NPY5R: variants seen among roughly 807,000 people sequenced by gnomAD.
The protein encoded by NPY5R is neuropeptide Y receptor type 5.
Under a neutral mutation model 24.8 loss-of-function variants are expected in NPY5R, and 21 were observed. The observed-to-expected ratio is 0.85, with a 90% CI of 0.60 to 1.22. The LOEUF (loss-of-function observed/expected upper bound fraction) is 1.22, where lower values mean the gene tolerates loss of function less well. Ranked by LOEUF, NPY5R falls within the 50% of genes most tolerant of loss-of-function variation. NPY5R has a pLI of 0.00. For missense variants in NPY5R, 481 were observed against 521.3 expected (o/e 0.92, Z 0.75); for synonymous variants, 175 against 183.0 (o/e 0.96, Z 0.35).
chr4:163,344,638 A>AGATGCGAG (rs1177493407), intron 1 of NPY5R: 1 of 152,242 alleles, frequency 6.6e-6, no homozygotes, highest in Non-Finnish European at 1.5e-5. Context: ...TTCATATAAC[A>AGATGCGAG]AATGCGAGCA....
intron 1 of NPY5R, chr4:163,345,127 AATG>A (rs1195279515): frequency 6.6e-6 from 1 of 152,248 alleles, no homozygotes; most frequent in Non-Finnish European, 1.5e-5. Context: ...TTGTGAAAAG[AATG>A]ATGTGTATTT....
chr4:163,349,316 A>G lies in NPY5R; in HGVS notation c.-9-949A>G, dbSNP rs938219146. ...CCTGCAGTGATGAAGTTACTCTGCC[A>G]TGTATTGGGATGGATTCCAAAGTGA... On this transcript the variant is annotated intron_variant, in intron 3 of 3. Transcript: ENST00000338566. 6.1e-6 allele frequency: 6 copies of G among 977,558 alleles called. No individual in the cohort carries two copies. The Admixed American group carries it at 3.7e-4, about 60-fold the overall frequency. The allele number at this position is 977,558 out of a possible 1,614,324, so 60.6% of individuals were successfully genotyped here.
intron 3 of NPY5R, among the ~76,000 whole-genome samples, chr4:163,349,976 C>T (rs1010102827): frequency 3.3e-5 from 5 of 151,702 alleles, no homozygotes; most frequent in East Asian, 2.0e-4. Context: ...CAGTGGCGGG[C>T]GCCTGTAGTC....
Position 163,350,754 on chromosome 4 carries a change from G to A in NPY5R, c.481G>A (p.Ala161Thr), listed in dbSNP as rs1328210005. Residue 161 changes from alanine (A) to threonine (T), a missense_variant, in exon 4 of 4, where the codon GCT (alanine) becomes ACT (threonine). Transcript: ENST00000338566. ...LTANHGYFLI[A>T]TVWTLGFAIC... ...AGCAAACCATGGCTACTTTCTGATA[G>A]CTACTGTCTGGACACTAGGTTTTGC... The A allele has an allele frequency of 1.2e-6, 2 of 1,614,050 alleles. No homozygotes were observed. The highest frequency in any genetic ancestry group is 1.3e-5 in the African/African-American group (1 of 74,914).
chr4:163,349,067 T>C (rs2110866997), intron 3 of NPY5R, among the ~76,000 whole-genome samples: 1 of 152,224 alleles, frequency 6.6e-6, no homozygotes, highest in Middle Eastern at 3.4e-3. Context: ...CTCAAACCAT[T>C]GAGGATTGGT....
At chr4:163,350,242 A>G in intron 3 of NPY5R, 23 bp from the exon 4 acceptor site, 3 of 1,508,526 alleles carry the variant, frequency 2.0e-6, no homozygotes, top group Non-Finnish European at 2.7e-6. Context: ...GGTTGCTGAC[A>G]AATGTCTTTT....
chr4:163,351,001 C>G lies in NPY5R; in HGVS notation c.728C>G (p.Ser243Cys). The G allele has an allele frequency of 6.2e-7, 1 of 1,613,968 alleles. No individual in the cohort carries two copies. The highest frequency in any genetic ancestry group is 8.5e-7 in the Non-Finnish European group (1 of 1,179,998). Residue 243 changes from serine to cysteine, a missense_variant, in exon 4 of 4, where the codon TCC becomes TGC. Coordinates refer to ENST00000338566, the MANE Select transcript of NPY5R (RefSeq NM_006174.4). ...SVCRSISCGL[S>C]NKENRLEENE... ...TGCAGAAGTATAAGCTGTGGATTGT[C>G]CAACAAAGAAAACAGACTTGAAGAA... is the stretch of plus-strand genomic sequence containing the variant.
At chr4:163,350,153 A>G in intron 3 of NPY5R, 112 bp from the exon 4 acceptor site, 1 of 625,514 alleles carries the variant, frequency 1.6e-6, no homozygotes, top group Non-Finnish European at 2.6e-6. Context: ...TAGGAGATTA[A>G]TAAGGTCACG....
In NPY5R at chr4:163,350,258, C is replaced by T; in HGVS notation, c.-9-7C>T. On this transcript the variant is annotated splice_polypyrimidine_tract_variant and splice_region_variant and intron_variant, in intron 3 of 3. Coordinates refer to ENST00000338566, the MANE Select transcript of NPY5R (RefSeq NM_006174.4). Reference sequence around the variant, plus strand: ...GTTGCTGACAAATGTCTTTTTATTCCAAGCAGGACTATAATATGGATTTAG... The same window carrying T: ...GTTGCTGACAAATGTCTTTTTATTCTAAGCAGGACTATAATATGGATTTAG... 7 of 1,504,610 alleles carry T rather than the reference C, an allele frequency of 4.7e-6. No individual in the cohort carries two copies. Among genetic ancestry groups the T allele is most frequent in the Admixed American group, 2.3e-5 (1 of 44,258 alleles). The allele number at this position is 1,504,610 out of a possible 1,614,324, so 93.2% of individuals were successfully genotyped here.
rs1424004129 is a variant in NPY5R, at chr4:163,351,313, T to C, written c.1040T>C (p.Val347Ala). The part of the protein sequence containing the change: ...FEIKPEENSD[V>A]HELRVKRSVT... ...ATAAAACCTGAAGAAAATTCAGATG[T>C]TCATGAATTGAGAGTAAAACGTTCT... The change falls in exon 4 of 4, where the codon GTT becomes GCT. Residue 347 changes from valine to alanine, a missense_variant. Coordinates refer to ENST00000338566, the MANE Select transcript of NPY5R (RefSeq NM_006174.4). 1.2e-6 allele frequency: 2 copies of C among 1,613,004 alleles called. No individual in the cohort carries two copies. The highest frequency in any genetic ancestry group is 1.7e-6 in the Non-Finnish European group (2 of 1,179,114).
rs555770125 is a variant in NPY5R, at chr4:163,344,191, A to C, written c.-121+191A>C. 3.9e-5 allele frequency: 6 copies of C among 152,916 alleles called. No individual in the cohort carries two copies. In the South Asian group the frequency reaches 1.2e-3, roughly 32 times the overall value. 9.5% of individuals were successfully genotyped at this position (152,916 alleles called of 1,614,324 possible). ...GGGAAGGTGAAGGGAGCGCGGCTGG[A>C]AAAATGGGGATTAGGGTGGCGGAAC... On this transcript the variant is annotated intron_variant, in intron 1 of 3. Transcript: ENST00000338566.
intron 3 of NPY5R, among the ~76,000 whole-genome samples, chr4:163,348,540 G>A (rs1232441361): frequency 1.3e-5 from 2 of 151,928 alleles, no homozygotes; most frequent in Non-Finnish European, 2.9e-5. Context: ...AGCTGCTTGG[G>A]AGGCTGAGAT....
At chr4:163,349,178 G>T (rs922722402) in intron 3 of NPY5R, 3 of 162,600 alleles carry the variant, frequency 1.8e-5, no homozygotes, top group Non-Finnish European at 3.9e-5. Context: ...TGGGTCATGA[G>T]ATAGTGATCC....
chr4:163,346,959 T>C (rs1397913109), intron 2 of NPY5R, among the ~76,000 whole-genome samples: 1 of 152,104 alleles, frequency 6.6e-6, no homozygotes, highest in Admixed American at 6.5e-5. Context: ...ATTTGAAACA[T>C]CTATAATTTC....
chr4:163,350,476 A>G lies in NPY5R; in HGVS notation c.203A>G (p.Lys68Arg). ...GNLLILMALMKKRNQKTTVNF... is the reference protein window; with the variant it reads ...GNLLILMALMRKRNQKTTVNF... ...CTACTTATTTTAATGGCTCTCATGAAAAAGCGTAATCAGAAGACTACGGTA... is the reference window on the plus strand; with the variant it reads ...CTACTTATTTTAATGGCTCTCATGAGAAAGCGTAATCAGAAGACTACGGTA... The change falls in exon 4 of 4, where the codon AAA becomes AGA. Residue 68 changes from lysine to arginine, a missense_variant. Physicochemically the swap from Lys to Arg is conservative, Grantham distance 26. Coordinates refer to ENST00000338566, the MANE Select transcript of NPY5R (RefSeq NM_006174.4). 1 of 1,614,112 alleles carries G rather than the reference A, an allele frequency of 6.2e-7. No individual in the cohort carries two copies. Among genetic ancestry groups the G allele is most frequent in the Non-Finnish European group, 8.5e-7 (1 of 1,179,984 alleles).
chr4:163,349,922 GTGAA>G (rs1735406844), intron 3 of NPY5R, among the ~76,000 whole-genome samples: 2 of 151,966 alleles, frequency 1.3e-5, no homozygotes, highest in South Asian at 4.1e-4. Flanking sequence ...CGAGACCACG[GTGAA>G]ACCCGGTCTC....
In NPY5R at chr4:163,343,998, G is replaced by A. The variant is rs1735091895; in HGVS notation, c.-123G>A. The A allele has an allele frequency of 6.6e-6, 1 of 152,400 alleles. No individual in the cohort carries two copies. Among genetic ancestry groups the A allele is most frequent in the African/African-American group, 2.4e-5 (1 of 41,424 alleles). 9.4% of individuals were successfully genotyped at this position (152,400 alleles called of 1,614,324 possible). A position where few individuals can be genotyped will look rare whatever the true frequency, so the allele number is the denominator to read the frequency against. ...GGGCCTGCAGCGGCCGGGGCGCCCCGAGGTACGGGCTCCCGCCCCTCCCTG... is the reference window on the plus strand; with the variant it reads ...GGGCCTGCAGCGGCCGGGGCGCCCCAAGGTACGGGCTCCCGCCCCTCCCTG... On this transcript the variant is annotated splice_region_variant and 5_prime_UTR_variant, in exon 1 of 4. Coordinates refer to ENST00000338566, the MANE Select transcript of NPY5R (RefSeq NM_006174.4).
chr4:163,352,338 T>G (rs531453608), downstream of NPY5R, among the ~76,000 whole-genome samples: 1 of 152,332 alleles, frequency 6.6e-6, no homozygotes, highest in South Asian at 2.1e-4. Flanking sequence ...ATACATCTTT[T>G]CTATTCTAAA....
chr4:163,348,291 T>G (rs1332780068), intron 3 of NPY5R, among the ~76,000 whole-genome samples: 3 of 152,186 alleles, frequency 2.0e-5, no homozygotes, highest in Admixed American at 6.5e-5. Flanking sequence ...ATTTCTTTGT[T>G]GGTTTGTGTT....
Sources: gnomAD v4.1 joint callset for allele counts (sites outside exome capture counted in the v4.1 genomes callset) on GRCh38, gnomAD v4.1.1 for gene constraint, MANE v1.5 for transcripts, NCBI Gene and HGNC (gene_info 2026-07-23, HGNC 2026-07-21) for gene names.